Variants in HEXB observed in about 807,000 individuals in gnomAD.
HEXB encodes beta-hexosaminidase subunit beta.
In HEXB, 51 loss-of-function variants were observed where a neutral mutation model predicts 71.2. The ratio of observed to expected loss-of-function variants is 0.72; its 90% CI spans 0.57 to 0.90. The LOEUF (loss-of-function observed/expected upper bound fraction) is 0.90, where lower values mean the gene tolerates loss of function less well. HEXB is among the 40% of genes least tolerant of loss of function. The pLI, the probability that HEXB is intolerant of heterozygous loss-of-function variation, is 0.00. For missense variants in HEXB, 617 were observed against 677.0 expected (o/e 0.91, Z 0.98); for synonymous variants, 266 against 249.3 (o/e 1.07, Z -0.63).
At chr5:74,708,432 A>C (rs1225223321) in intron 6 of HEXB, among the ~76,000 whole-genome samples, 2 of 148,182 alleles carry the variant, frequency 1.3e-5, no homozygotes, top group African/African-American at 4.9e-5. Context: ...TCAAATTCAC[A>C]CATAACAATA....
At chr5:74,662,186 C>T (rs745721205) in intron 1 of HEXB, among the ~76,000 whole-genome samples, 1 of 151,944 alleles carries the variant, frequency 6.6e-6, no homozygotes, top group Non-Finnish European at 1.5e-5. Context: ...AGTCTTTGTG[C>T]TGTGCACAGA....
chr5:74,705,667 G>A, intron 6 of HEXB: 1 of 249,352 alleles, frequency 4.0e-6, no homozygotes, highest in Non-Finnish European at 7.9e-6. Flanking sequence ...ATAATTGTTT[G>A]GAAATCCATA....
chr5:74,707,864 C>T (rs1247837363), intron 6 of HEXB, among the ~76,000 whole-genome samples: 1 of 152,168 alleles, frequency 6.6e-6, no homozygotes, highest in African/African-American at 2.4e-5. Flanking sequence ...AAGTCCTACT[C>T]TGCAGGATAT....
intron 12 of HEXB, 24 bp from the exon 13 acceptor site, chr5:74,720,616 CGGG>C (rs747523020): frequency 1.2e-6 from 2 of 1,602,050 alleles, no homozygotes; most frequent in African/African-American, 2.7e-5. Context: ...AAACTGCTTG[CGGG>C]GGGATGTGTG....
chr5:74,652,379 C>A lies in HEXB; in HGVS notation c.-377+11821C>A, dbSNP rs1319245126. Among the ~76,000 whole-genome samples, 2 of 152,334 alleles carry A rather than the reference C, an allele frequency of 1.3e-5. No homozygotes were observed. Among genetic ancestry groups the A allele is most frequent in the South Asian group, 4.1e-4 (2 of 4,832 alleles). ...TGTGTGGGCCTCCTGGCCCACGTGT[C>A]CAGCAAGCAAGCCACTCCTGAATAC... is the stretch of plus-strand genomic sequence containing the variant. On this transcript the variant is annotated intron_variant, in intron 1 of 13. Transcript: ENST00000511181. This position sits in a 1 kb window ranked among gnomAD's most constrained non-coding sequence, Gnocchi z 5.4.
At chr5:74,706,689 G>C (rs113681590) in intron 6 of HEXB, among the ~76,000 whole-genome samples, 24,168 of 152,186 alleles carry the variant, frequency 0.16, 2,310 homozygotes, top group African/African-American at 0.27. Flanking sequence ...GAGTCTCGCT[G>C]ATTGCTAGCA....
Position 74,720,663 on chromosome 5 carries a change from G to A in HEXB, c.1529G>A (p.Gly510Asp). 6.2e-7 allele frequency: 1 copy of A among 1,614,196 alleles called. No homozygotes were observed. The highest frequency in any genetic ancestry group is 8.5e-7 in the Non-Finnish European group (1 of 1,180,014). The part of the protein sequence containing the change: ...PRLWPRASAV[G>D]ERLWSSKDVR... ...TTTAGGCCTCGGGCAAGTGCTGTTG[G>A]TGAGAGACTCTGGAGTTCCAAAGAT... Residue 510 changes from glycine to aspartate, a missense_variant, in exon 13 of 14, where the codon GGT (glycine) becomes GAT (aspartate). By Grantham distance (94) the Gly-to-Asp change is moderately conservative (BLOSUM62 -1). Transcript: ENST00000261416.
At chr5:74,672,779 C>T (rs1203414701) in intron 1 of HEXB, among the ~76,000 whole-genome samples, 1 of 152,208 alleles carries the variant, frequency 6.6e-6, no homozygotes, top group Non-Finnish European at 1.5e-5. Context: ...TTCCCAGTCC[C>T]CTCCCGGTTC....
At chr5:74,648,948 A>G (rs1748052965) in intron 1 of HEXB, among the ~76,000 whole-genome samples, 1 of 152,218 alleles carries the variant, frequency 6.6e-6, no homozygotes, top group Non-Finnish European at 1.5e-5. Context: ...TCCACAGACC[A>G]CAGCACAGAA....
intron 4 of HEXB, 42 bp from the exon 5 acceptor site, chr5:74,696,954 C>T: frequency 1.9e-6 from 2 of 1,067,132 alleles, no homozygotes; most frequent in Non-Finnish European, 2.9e-6. Context: ...TTCAAGACAA[C>T]AGAAAATTCT....
In HEXB at chr5:74,693,677, G is replaced by T. The variant is rs1240733285; in HGVS notation, c.484G>T (p.Ala162Ser). 6.2e-7 allele frequency: 1 copy of T among 1,613,258 alleles called. No homozygotes were observed. Among genetic ancestry groups the T allele is most frequent in the Admixed American group, 1.7e-5 (1 of 60,018 alleles). ...LVKEPVAVLK[A>S]NRVWGALRGL... Reference sequence around the variant, plus strand: ...GAAAGAACCAGTGGCTGTCCTTAAGGCCAACAGAGTTTGGGGAGCATTACG... The same window carrying T: ...GAAAGAACCAGTGGCTGTCCTTAAGTCCAACAGAGTTTGGGGAGCATTACG... The change falls in exon 3 of 14, where the codon GCC (alanine) becomes TCC (serine). Residue 162 changes from alanine to serine, a missense_variant. Physicochemically the swap from Ala to Ser is moderately conservative, Grantham distance 99. Transcript: ENST00000261416.
In HEXB at chr5:74,670,700, T is replaced by C. The variant is rs190894819; in HGVS notation, c.-376-18628T>C. On this transcript the variant is annotated intron_variant, in intron 1 of 13. Transcript: ENST00000511181. ...CTAATTAGCACTCTGTAACACCCCC[T>C]CTGGGACTTTGGGGTCATGGGTGCA... 8.5e-3 allele frequency among the ~76,000 whole-genome samples: 1,301 copies of C among 152,302 alleles called. 26 individuals are homozygous for C. Among genetic ancestry groups the C allele is most frequent in the African/African-American group, 0.029 (1,198 of 41,588 alleles).
At chr5:74,648,657 A>G (rs1748046083) in intron 1 of HEXB, among the ~76,000 whole-genome samples, 1 of 152,220 alleles carries the variant, frequency 6.6e-6, no homozygotes, top group Non-Finnish European at 1.5e-5. Context: ...ACCTAGGTAC[A>G]TTCTAATTTT....
chr5:74,661,547 GTGTGTGTGTGTGTGTGTC>G (rs1413229945), intron 1 of HEXB, among the ~76,000 whole-genome samples: 3 of 82,920 alleles, frequency 3.6e-5, no homozygotes, highest in African/African-American at 2.2e-4. Flanking sequence ...GTGTGTGTGT[GTGTGTGTGTGTGTGTGTC>G]TCTCTCTCTC....
At chr5:74,701,451 C>T (rs1293888576) in intron 5 of HEXB, among the ~76,000 whole-genome samples, 1 of 152,074 alleles carries the variant, frequency 6.6e-6, no homozygotes, top group Non-Finnish European at 1.5e-5. Context: ...ATCTACAATT[C>T]CCTATTGCTT....
chr5:74,721,046 C>A, intron 13 of HEXB, 72 bp from the exon 14 acceptor site: 1 of 1,202,804 alleles, frequency 8.3e-7, no homozygotes, highest in South Asian at 1.2e-5. Context: ...ACATGAATAT[C>A]AATCTAAAAT....
rs1748148473 is a variant in HEXB, at chr5:74,652,953, A to G, written c.-377+12395A>G. ...TTAATGCCCTCTTTGCTTTACTGAA[A>G]TGGAATTTATAGATAATAGACTCTA... On this transcript the variant is annotated intron_variant, in intron 1 of 13. Transcript: ENST00000511181. The surrounding 1 kb of genome is among the most constrained non-coding windows in gnomAD (Gnocchi z 5.4). Among the ~76,000 whole-genome samples, 1 of 152,350 alleles carries G rather than the reference A, an allele frequency of 6.6e-6. No individual in the cohort carries two copies. Among genetic ancestry groups the G allele is most frequent in the Non-Finnish European group, 1.5e-5 (1 of 68,030 alleles).
chr5:74,654,337 A>G (rs1240459622), intron 1 of HEXB, among the ~76,000 whole-genome samples: 2 of 152,222 alleles, frequency 1.3e-5, no homozygotes, highest in African/African-American at 4.8e-5. Flanking sequence ...ACGAGCTCCC[A>G]GGTGATGCCG....
At chr5:74,666,561 T>G (rs1050179910) in intron 1 of HEXB, among the ~76,000 whole-genome samples, 2 of 151,886 alleles carry the variant, frequency 1.3e-5, no homozygotes, top group Admixed American at 6.6e-5. Flanking sequence ...CCCCATCCCT[T>G]CCCCAACTCC....
Sources: gnomAD v4.1 joint callset for allele counts (sites outside exome capture counted in the v4.1 genomes callset) on GRCh38, gnomAD v4.1.1 for gene constraint, Gnocchi (gnomAD v3.1) non-coding constraint, MANE v1.5 for transcripts, NCBI Gene and HGNC (gene_info 2026-07-23, HGNC 2026-07-21) for gene names.